The following WDR70 variants were observed in gnomAD, a reference collection of about 807,000 sequenced individuals.
The protein encoded by WDR70 is WD repeat domain 70.
In WDR70, 53 loss-of-function variants were observed where a neutral mutation model predicts 88.6. That is an observed-to-expected ratio of 0.60 (90% CI 0.48 to 0.75). WDR70 has a LOEUF of 0.75. Among genes scored for constraint, WDR70 ranks in the 30% least tolerant of loss-of-function variants. The probability of loss-of-function intolerance (pLI) is 0.00; values close to 1 mark genes in which losing one functional copy is unlikely to be tolerated. For synonymous variants in WDR70, 280 were observed against 270.0 expected (o/e 1.04, Z -0.36); for missense variants, 610 against 823.2 (o/e 0.74, Z 3.17).
intron 2 of WDR70, 96 bp downstream of exon 2, chr5:37,379,650 T>C (rs1366285898): frequency 1.5e-6 from 2 of 1,351,076 alleles, no homozygotes; most frequent in Non-Finnish European, 2.1e-6. Context: ...CTCGGAATTA[T>C]TGTAGCTCGG....
chr5:37,519,391 C>T (rs78915199), intron 9 of WDR70, among the ~76,000 whole-genome samples: 127 of 143,956 alleles, frequency 8.8e-4, no homozygotes, highest in African/African-American at 2.2e-3. Flanking sequence ...ATGGGGCAGC[C>T]GGGCGGAGGC....
intron 17 of WDR70, among the ~76,000 whole-genome samples, chr5:37,733,799 A>G (rs1316979552): frequency 3.3e-5 from 5 of 152,042 alleles, no homozygotes; most frequent in Non-Finnish European, 5.9e-5. Flanking sequence ...AACCGAGAAC[A>G]GAGTTGTCTT....
chr5:37,559,425 C>T (rs1210983033), intron 9 of WDR70, among the ~76,000 whole-genome samples: 1 of 152,188 alleles, frequency 6.6e-6, no homozygotes, highest in Non-Finnish European at 1.5e-5. Context: ...TTCCTTTACC[C>T]ATTCTCCTCC....
At chr5:37,663,902 C>A (rs1201447715) in intron 10 of WDR70, among the ~76,000 whole-genome samples, 1 of 152,140 alleles carries the variant, frequency 6.6e-6, no homozygotes, top group Non-Finnish European at 1.5e-5. Context: ...TCCCTACTGG[C>A]TCCTAGAAAA....
At chr5:37,647,668 G>C (rs1031382959) in intron 10 of WDR70, among the ~76,000 whole-genome samples, 1 of 152,198 alleles carries the variant, frequency 6.6e-6, no homozygotes, top group Non-Finnish European at 1.5e-5. Context: ...GATAAGATCT[G>C]AAGGAATTCT....
At chr5:37,493,615 G>T (rs1042241001) in intron 8 of WDR70, among the ~76,000 whole-genome samples, 1 of 152,136 alleles carries the variant, frequency 6.6e-6, no homozygotes, top group Non-Finnish European at 1.5e-5. Flanking sequence ...ATCTAGCTAC[G>T]TTGTGCCAGA....
chr5:37,514,336 C>CTAAATATATATATATATATA (rs1385732925), intron 8 of WDR70, among the ~76,000 whole-genome samples: 1 of 10,944 alleles, frequency 9.1e-5, no homozygotes, highest in Non-Finnish European at 1.0e-3. Flanking sequence ...ATATTTAGAA[C>CTAAATATATATATATATATA]TACATATATA....
At chr5:37,448,495 T>C (rs184117472) in intron 7 of WDR70, among the ~76,000 whole-genome samples, 2 of 152,344 alleles carry the variant, frequency 1.3e-5, no homozygotes, top group South Asian at 2.1e-4. Context: ...CATGCATATA[T>C]GTGTCTATGT....
intron 10 of WDR70, among the ~76,000 whole-genome samples, chr5:37,645,500 A>G (rs1745208359): frequency 6.6e-6 from 1 of 152,138 alleles, no homozygotes; most frequent in Admixed American, 6.5e-5. Flanking sequence ...TTTGGTCTAT[A>G]GTGCAGATTA....
intron 10 of WDR70, among the ~76,000 whole-genome samples, chr5:37,670,007 C>G (rs1318585914): frequency 1.3e-5 from 2 of 151,890 alleles, no homozygotes; most frequent in African/African-American, 4.8e-5. Context: ...TTGCTTAGGA[C>G]TGAAATATTA....
chr5:37,589,249 T>TACACACACACACACACAC (rs57446016), intron 9 of WDR70, among the ~76,000 whole-genome samples: 4 of 140,146 alleles, frequency 2.9e-5, no homozygotes, highest in East Asian at 2.2e-4. Flanking sequence ...CCTACACACA[T>TACACACACACACACACAC]ACACACACAC....
At position 37,503,181 on chromosome 5, in the gene WDR70, G is replaced by A. The variant is rs570561752; in HGVS notation, c.841-13333G>A. Among the ~76,000 whole-genome samples the A allele has an allele frequency of 4.6e-5, 7 of 152,032 alleles. No individual in the cohort carries two copies. In the East Asian group the frequency reaches 5.8e-4, roughly 13 times the overall value. ...TTTGGTTACATTTTTTCCTAAGTTT[G>A]GTATCAGGATGATAATACAGGCTTC... is the stretch of plus-strand genomic sequence containing the variant. On this transcript the variant is annotated intron_variant, in intron 8 of 17. Transcript: ENST00000265107.
intron 10 of WDR70, among the ~76,000 whole-genome samples, chr5:37,614,743 T>A (rs910128650): frequency 6.6e-6 from 1 of 152,202 alleles, no homozygotes; most frequent in Non-Finnish European, 1.5e-5. Flanking sequence ...TTGACCCCTG[T>A]CATATAGTTT....
At chr5:37,687,869 G>A (rs1460166052) in intron 10 of WDR70, 4 of 636,244 alleles carry the variant, frequency 6.3e-6, no homozygotes, top group Non-Finnish European at 1.2e-5. Flanking sequence ...GACCAATTTA[G>A]GGAGCATCAG....
chr5:37,453,389 G>A (rs1411045430), intron 7 of WDR70, among the ~76,000 whole-genome samples: 2 of 152,246 alleles, frequency 1.3e-5, no homozygotes, highest in East Asian at 1.9e-4. Flanking sequence ...TATGGGAAAC[G>A]AAGGGATGGG....
At chr5:37,528,755 CTG>C (rs1741386896) in intron 9 of WDR70, among the ~76,000 whole-genome samples, 1 of 152,136 alleles carries the variant, frequency 6.6e-6, no homozygotes, top group African/African-American at 2.4e-5. Context: ...TTCTCCCACT[CTG>C]TGGGTTGTCT....
intron 10 of WDR70, among the ~76,000 whole-genome samples, chr5:37,668,031 G>T (rs1477233531): frequency 1.3e-5 from 2 of 151,998 alleles, no homozygotes; most frequent in Non-Finnish European, 1.5e-5. Flanking sequence ...GGCTTACTTG[G>T]CTGTAGTCCC....
chr5:37,385,005 A>T (rs1561831909), intron 3 of WDR70, among the ~76,000 whole-genome samples: 2 of 152,192 alleles, frequency 1.3e-5, no homozygotes, highest in African/African-American at 2.4e-5. Context: ...TTTTGGTTTG[A>T]TAATTAGCTA....
intron 7 of WDR70, among the ~76,000 whole-genome samples, chr5:37,476,557 T>TC (rs1051731429): frequency 2.0e-5 from 3 of 151,240 alleles, no homozygotes; most frequent in East Asian, 3.9e-4. Flanking sequence ...TTCTTCTTCT[T>TC]TTTTTTTTTC....
Sources: allele counts gnomAD v4.1 joint callset (sites outside exome capture counted in the v4.1 genomes callset), GRCh38; gene constraint gnomAD v4.1.1; transcripts MANE v1.5; gene names NCBI Gene and HGNC (gene_info 2026-07-23, HGNC 2026-07-21).